QSOX2: variants seen among roughly 807,000 people sequenced by gnomAD.
QSOX2 encodes sulfhydryl oxidase 2.
A neutral mutation model predicts 61.7 loss-of-function variants in QSOX2; 46 were observed. That is an observed-to-expected ratio of 0.75 (90% CI 0.59 to 0.95). The LOEUF is 0.95. Ranked by LOEUF, QSOX2 falls within the 40% of genes least tolerant of loss-of-function variation. QSOX2 has a pLI of 0.00. For synonymous variants in QSOX2, 383 were observed against 388.4 expected (o/e 0.99, Z 0.16); for missense variants, 879 against 918.9 (o/e 0.96, Z 0.56).
At chr9:136,232,917 CAAA>C (rs60814748) in intron 1 of QSOX2, among the ~76,000 whole-genome samples, 4 of 45,502 alleles carry the variant, frequency 8.8e-5, no homozygotes, top group Non-Finnish European at 1.4e-4. Flanking sequence ...GAACCTGTCT[CAAA>C]AAAAAAAAAA....
Position 136,207,000 on chromosome 9 carries a change from G to C in QSOX2, c.*1728C>G, listed in dbSNP as rs930896334. Reference sequence around the variant, plus strand: ...TCTTCAATAACCCAGGCCTGCACTGGATGAAGCAATGAAGGCAAGGTCACG... The same window carrying C: ...TCTTCAATAACCCAGGCCTGCACTGCATGAAGCAATGAAGGCAAGGTCACG... On this transcript the variant is annotated 3_prime_UTR_variant, in exon 12 of 12. Transcript: ENST00000358701. The C allele has an allele frequency of 1.3e-5, 2 of 152,346 alleles. No individual in the cohort carries two copies. Among genetic ancestry groups the C allele is most frequent in the African/African-American group, 4.8e-5 (2 of 41,446 alleles). 9.4% of individuals were successfully genotyped at this position (152,346 alleles called of 1,614,324 possible).
In QSOX2 at chr9:136,245,605, C is replaced by G; in HGVS notation, c.199G>C (p.Asp67His). ...GTGGCCCCGCGCACGCTGCCGCTGTCCAGCACCCACACGGCGTCCTCGCCC... is the reference window on the plus strand; with the variant it reads ...GTGGCCCCGCGCACGCTGCCGCTGTGCAGCACCCACACGGCGTCCTCGCCC... ...RAGEDAVWVL[D>H]SGSVRGATAN... is the part of the protein sequence containing the mutation. The change falls in exon 1 of 12, where the codon GAC becomes CAC. Residue 67 changes from aspartate to histidine, a missense_variant. Physicochemically the swap from Asp to His is moderately conservative, Grantham distance 81. Transcript: ENST00000358701. 6.4e-7 allele frequency: 1 copy of G among 1,560,780 alleles called. No individual in the cohort carries two copies.
At chr9:136,210,749 T>C (rs1034943943) in intron 11 of QSOX2, 4 of 985,234 alleles carry the variant, frequency 4.1e-6, no homozygotes, top group Non-Finnish European at 4.8e-6. Flanking sequence ...TGGAATTATT[T>C]TTAAGCCTAA....
intron 11 of QSOX2, chr9:136,210,698 T>C: frequency 1.0e-6 from 1 of 985,280 alleles, no homozygotes; most frequent in African/African-American, 1.7e-5. Flanking sequence ...AAACCAATAG[T>C]TTAGTGGCAT....
At chr9:136,234,270 T>C (rs1348574956) in intron 1 of QSOX2, among the ~76,000 whole-genome samples, 1 of 152,248 alleles carries the variant, frequency 6.6e-6, no homozygotes, top group Non-Finnish European at 1.5e-5. Context: ...AATCGACCGT[T>C]TGTCACTGGT....
chr9:136,225,811 T>C lies in QSOX2; in HGVS notation c.430-902A>G, dbSNP rs141179285. Among the ~76,000 whole-genome samples the C allele has an allele frequency of 2.4e-3, 367 of 152,384 alleles. 1 individual carries two copies. Among genetic ancestry groups the C allele is most frequent in the African/African-American group, 8.1e-3 (338 of 41,592 alleles). ...CATCCAATGAGCATCGTAGTGGATC[T>C]GGGCAATGTCCCATTAAGTAACAGA... On this transcript the variant is annotated intron_variant, in intron 2 of 11. Transcript: ENST00000358701.
intron 10 of QSOX2, among the ~76,000 whole-genome samples, chr9:136,214,711 C>T (rs751230724): frequency 5.2e-4 from 79 of 152,320 alleles, no homozygotes; most frequent in Non-Finnish European, 2.5e-4. Context: ...AGGCCATGCC[C>T]GGCCCTCAGA....
At position 136,208,826 on chromosome 9, in the gene QSOX2, G is replaced by A. The variant is rs1831809017; in HGVS notation, c.1999C>T (p.Leu667=). 6.2e-7 allele frequency: 1 copy of A among 1,613,938 alleles called. No individual in the cohort carries two copies. Among genetic ancestry groups the A allele is most frequent in the Non-Finnish European group, 8.5e-7 (1 of 1,180,036 alleles). ...SSLDMSLCVV[L]YVASSLFLMV... ...AGGAACAGGGATGAAGCCACGTACAGCACGACACAGAGACTCATGTCCAGG... is the reference window on the plus strand; with the variant it reads ...AGGAACAGGGATGAAGCCACGTACAACACGACACAGAGACTCATGTCCAGG... The change falls in exon 12 of 12, where the codon CTG becomes TTG. Residue 667 remains leucine (L), a synonymous_variant. Transcript: ENST00000358701.
In QSOX2 at chr9:136,216,632, C is replaced by T. The variant is rs1437393716; in HGVS notation, c.1177G>A (p.Ala393Thr). The T allele has an allele frequency of 5.0e-6, 8 of 1,613,716 alleles. No homozygotes were observed. Among genetic ancestry groups the T allele is most frequent in the South Asian group, 2.2e-5 (2 of 91,082 alleles). ...SLPLDRIPYN[A>T]VLDLVNNKMR... ...TTGTTGTTGACCAGGTCAAGCACGG[C>T]GTTGTAGGGGATCCTGTCCAGGGGA... The change falls in exon 9 of 12, where the codon GCC (alanine) becomes ACC (threonine). Residue 393 changes from alanine to threonine, a missense_variant. Transcript: ENST00000358701.
At position 136,208,888 on chromosome 9, in the gene QSOX2, C is replaced by G; in HGVS notation, c.1937G>C (p.Gly646Ala). The G allele has an allele frequency of 6.2e-7, 1 of 1,613,998 alleles. No individual in the cohort carries two copies. Among genetic ancestry groups the G allele is most frequent in the Non-Finnish European group, 8.5e-7 (1 of 1,180,028 alleles). Residue 646 changes from glycine to alanine, a missense_variant, in exon 12 of 12, where the codon GGC becomes GCC. Transcript: ENST00000358701. ...AACCCCGAGGAAGGGTGCGGCCCCG[C>G]CCACCTCCTTGTGGGCCCCGGGCCC... Reference protein sequence around the residue: ...LDGPGAHKEVGGAAPFLGVDF... With the variant: ...LDGPGAHKEVAGAAPFLGVDF...
In QSOX2 at chr9:136,215,152, A is replaced by G. The variant is rs1357849430; in HGVS notation, c.1360+2T>C. 1 of 1,613,240 alleles carries G rather than the reference A, an allele frequency of 6.2e-7. No homozygotes were observed. Among genetic ancestry groups the G allele is most frequent in the Admixed American group, 1.7e-5 (1 of 59,840 alleles). The stretch of plus-strand genomic sequence containing the variant: ...CCTCTGGCCTGTATGGGCACAGCTT[A>G]CCTGTGCCAACCAGTGCATCTGGGT... On this transcript the variant is annotated splice_donor_variant, in intron 10 of 11. Transcript: ENST00000358701. LOFTEE classifies it high-confidence loss of function.
chr9:136,242,370 G>A (rs1011462675), intron 1 of QSOX2, among the ~76,000 whole-genome samples: 2 of 152,268 alleles, frequency 1.3e-5, no homozygotes, highest in South Asian at 2.1e-4. Context: ...CATGAAGAAC[G>A]CAGGGCGTGG....
chr9:136,238,585 T>C (rs190620262), intron 1 of QSOX2, among the ~76,000 whole-genome samples: 1 of 152,322 alleles, frequency 6.6e-6, no homozygotes, highest in East Asian at 1.9e-4. Flanking sequence ...CCCACCTGGC[T>C]GTGCCAACCC....
intron 2 of QSOX2, 59 bp downstream of exon 2, chr9:136,226,715 C>T: frequency 1.4e-6 from 2 of 1,388,586 alleles, no homozygotes; most frequent in Non-Finnish European, 2.1e-6. Context: ...GCGTGATGCT[C>T]ACCTGGAAGG....
chr9:136,219,268 T>C (rs1171601601), intron 6 of QSOX2, 104 bp from the exon 7 acceptor site: 3 of 1,385,666 alleles, frequency 2.2e-6, no homozygotes, highest in Non-Finnish European at 2.9e-6. Context: ...TTTCATCCTT[T>C]GGGCATTTAT....
chr9:136,232,935 A>AAAG (rs1564296303), intron 1 of QSOX2, among the ~76,000 whole-genome samples: 17 of 142,386 alleles, frequency 1.2e-4, no homozygotes, highest in South Asian at 2.1e-4. Context: ...AAAAAAAAAA[A>AAAG]AAAGAAAAAA....
intron 1 of QSOX2, among the ~76,000 whole-genome samples, chr9:136,233,703 C>A (rs11103395): frequency 6.6e-6 from 1 of 152,150 alleles, no homozygotes; most frequent in East Asian, 1.9e-4. Flanking sequence ...TTCCATGAGA[C>A]GAATCGTGCA....
chr9:136,237,547 A>ACACCTGGAGCCCGTCCTGTGGCGGCGT (rs1192345029), intron 1 of QSOX2, among the ~76,000 whole-genome samples: 38 of 75,900 alleles, frequency 5.0e-4, no homozygotes, highest in Admixed American at 9.6e-4. Context: ...GTCCTGTGCC[A>ACACCTGGAGCCCGTCCTGTGGCGGCGT]CACCTGGAGC....
At chr9:136,216,508 G>T in intron 9 of QSOX2, 92 bp downstream of exon 9, 1 of 1,537,532 alleles carries the variant, frequency 6.5e-7, no homozygotes, top group Non-Finnish European at 8.9e-7. Flanking sequence ...CGGAGCCCGG[G>T]CCCCGAGCAG....
Sources: gnomAD v4.1 joint callset for allele counts (sites outside exome capture counted in the v4.1 genomes callset) on GRCh38, gnomAD v4.1.1 for gene constraint, MANE v1.5 for transcripts, NCBI Gene and HGNC (gene_info 2026-07-23, HGNC 2026-07-21) for gene names.